OSBPL3: variants seen among roughly 807,000 people sequenced by gnomAD.
The protein encoded by OSBPL3 is oxysterol-binding protein-related protein 3.
In OSBPL3, 65 loss-of-function variants were observed where a neutral mutation model predicts 120.1. The ratio of observed to expected loss-of-function variants is 0.54; its 90% CI spans 0.44 to 0.67. The LOEUF is 0.67. OSBPL3 is among the 30% of genes least tolerant of loss of function. The pLI is 0.00. For synonymous variants in OSBPL3, 416 were observed against 402.6 expected, an observed-to-expected ratio of 1.03 and a Z score of -0.40; for missense variants, 1,004 against 1,082.1, an observed-to-expected ratio of 0.93 and a Z score of 1.01.
Position 24,913,926 on chromosome 7 carries a change from C to T in OSBPL3, c.-149-21305G>A, listed in dbSNP as rs906087386. 3.9e-5 allele frequency among the ~76,000 whole-genome samples: 6 copies of T among 152,112 alleles called. No homozygotes were observed. The highest frequency in any genetic ancestry group is 1.4e-4 in the African/African-American group (6 of 41,398). ...TCTACATATATGCATTGAAACTTTC[C>T]TAAGGAGCAGATTCATTACGAAAGA... On this transcript the variant is annotated intron_variant, in intron 1 of 22. Coordinates refer to ENST00000313367, the MANE Select transcript of OSBPL3 (RefSeq NM_015550.4). This position sits in a 1 kb window ranked among gnomAD's most constrained non-coding sequence, Gnocchi z 5.3.
rs561347123 is a variant in OSBPL3, at chr7:24,855,515, T to C, written c.1028-2881A>G. Among the ~76,000 whole-genome samples, 400 of 152,262 alleles carry C rather than the reference T, an allele frequency of 2.6e-3. 2 individuals carry two copies. The highest frequency in any genetic ancestry group is 9.4e-3 in the South Asian group (45 of 4,802). ...ATTTTATTGTAAGGAATAAAACGCTTCCTAAATCATCTGAAAAAAGGGTTT... is the reference window on the plus strand; with the variant it reads ...ATTTTATTGTAAGGAATAAAACGCTCCCTAAATCATCTGAAAAAAGGGTTT... On this transcript the variant is annotated intron_variant, in intron 10 of 22. Transcript: ENST00000313367. The surrounding 1 kb of genome is among the most constrained non-coding windows in gnomAD (Gnocchi z 4.3).
intron 22 of OSBPL3, among the ~76,000 whole-genome samples, chr7:24,800,937 CTT>C (rs56365128): frequency 3.1e-4 from 43 of 138,712 alleles, no homozygotes; most frequent in Admixed American, 3.7e-4. Context: ...AAGTGGTTAA[CTT>C]TTTTTTTTTT....
At chr7:24,884,903 TGTG>T (rs1804264956) in intron 2 of OSBPL3, among the ~76,000 whole-genome samples, 1 of 152,120 alleles carries the variant, frequency 6.6e-6, no homozygotes, top group Non-Finnish European at 1.5e-5. Context: ...TGGACTTTCT[TGTG>T]GTGTTTATTC....
chr7:24,866,824 C>T (rs774805702), intron 5 of OSBPL3, among the ~76,000 whole-genome samples: 23 of 152,126 alleles, frequency 1.5e-4, no homozygotes, highest in South Asian at 2.1e-4. Flanking sequence ...TTATTTGAGA[C>T]GGAGTCTTGC....
intron 1 of OSBPL3, among the ~76,000 whole-genome samples, chr7:24,954,583 A>G (rs1044872934): frequency 2.6e-5 from 4 of 152,166 alleles, no homozygotes; most frequent in Non-Finnish European, 5.9e-5. Context: ...TCAGAAAAAA[A>G]AAAGGTGTGG....
rs115411251 is a variant in OSBPL3 at position 24,872,648 on chromosome 7, A to G, written c.97-579T>C. On this transcript the variant is annotated intron_variant, in intron 2 of 22. Transcript: ENST00000313367. This position sits in a 1 kb window ranked among gnomAD's most constrained non-coding sequence, Gnocchi z 4.1. ...CTGGAAATCTGGAAGCATCAAAAGTATATTTTTGCAACAAGAATTTTCACT... is the reference window on the plus strand; with the variant it reads ...CTGGAAATCTGGAAGCATCAAAAGTGTATTTTTGCAACAAGAATTTTCACT... Among the ~76,000 whole-genome samples the G allele has an allele frequency of 5.3e-3, 802 of 152,296 alleles. 7 individuals carry two copies. The highest frequency in any genetic ancestry group is 0.017 in the African/African-American group (710 of 41,550).
Position 24,938,112 on chromosome 7 carries a change from CA to C in OSBPL3, c.-150+41773del, listed in dbSNP as rs1338910189. 2.0e-5 allele frequency among the ~76,000 whole-genome samples: 3 copies of C among 152,188 alleles called. No homozygotes were observed. The highest frequency in any genetic ancestry group is 6.5e-5 in the Admixed American group (1 of 15,278). ...TATGGGCTGAAAGTTTCTGTCCCGC[CA>C]AAACTGGTATGTTGAAACCTAATCA... is the stretch of plus-strand genomic sequence containing the variant. On this transcript the variant is annotated intron_variant, in intron 1 of 22. Transcript: ENST00000313367. The surrounding 1 kb of genome is among the most constrained non-coding windows in gnomAD (Gnocchi z 5.8).
At chr7:24,961,816 A>G (rs1815776264) in intron 1 of OSBPL3, among the ~76,000 whole-genome samples, 1 of 152,280 alleles carries the variant, frequency 6.6e-6, no homozygotes, top group Non-Finnish European at 1.5e-5. Context: ...GAAGGGCTCA[A>G]AAGTCCATAC....
chr7:24,837,545 A>C (rs1248140008), intron 14 of OSBPL3, among the ~76,000 whole-genome samples: 1 of 152,102 alleles, frequency 6.6e-6, no homozygotes, highest in Admixed American at 6.6e-5. Flanking sequence ...AGTCTCAAAA[A>C]ATTTTCTTTG....
intron 1 of OSBPL3, among the ~76,000 whole-genome samples, chr7:24,915,209 G>A (rs1809372473): frequency 6.6e-6 from 1 of 152,120 alleles, no homozygotes; most frequent in African/African-American, 2.4e-5. Context: ...TTGTTAATCT[G>A]TCAAAGAAAG....
rs1209687270 is a variant in OSBPL3, at chr7:24,854,333, A to C, written c.1028-1699T>G. Among the ~76,000 whole-genome samples, 1 of 152,174 alleles carries C rather than the reference A, an allele frequency of 6.6e-6. No individual in the cohort carries two copies. The highest frequency in any genetic ancestry group is 6.5e-5 in the Admixed American group (1 of 15,276). ...AGGTATTGTTATTCAAGAGTGGGCT[A>C]TTTAGTAACACAGAAACTAAATAGG... On this transcript the variant is annotated intron_variant, in intron 10 of 22. Coordinates refer to ENST00000313367, the MANE Select transcript of OSBPL3 (RefSeq NM_015550.4). The surrounding 1 kb of genome is among the most constrained non-coding windows in gnomAD (Gnocchi z 4.1).
At position 24,820,720 on chromosome 7, in the gene OSBPL3, A is replaced by G. The variant is rs150523173; in HGVS notation, c.1885-482T>C. ...TTCTTCCTCGGGCTCAGCCAATTTA[A>G]CTCTTGAAAACTCTGCATCATAAAG... On this transcript the variant is annotated intron_variant, in intron 16 of 22. Coordinates refer to ENST00000313367, the MANE Select transcript of OSBPL3 (RefSeq NM_015550.4). The surrounding 1 kb of genome is among the most constrained non-coding windows in gnomAD (Gnocchi z 4.6). Among the ~76,000 whole-genome samples the G allele has an allele frequency of 4.7e-3, 710 of 152,148 alleles. 10 individuals carry two copies. The highest frequency in any genetic ancestry group is 0.016 in the African/African-American group (675 of 41,508).
rs777986976 is a variant in OSBPL3 at position 24,953,458 on chromosome 7, C to T, written c.-150+26428G>A. On this transcript the variant is annotated intron_variant, in intron 1 of 22. Transcript: ENST00000313367. This position sits in a 1 kb window ranked among gnomAD's most constrained non-coding sequence, Gnocchi z 4.3. ...TATTGTGTTAAAAAAAAAAGTATTA[C>T]GTATCTGCTGAATTGTAATCAGACT... 3.3e-5 allele frequency among the ~76,000 whole-genome samples: 5 copies of T among 152,104 alleles called. No homozygotes were observed. The highest frequency in any genetic ancestry group is 7.2e-5 in the African/African-American group (3 of 41,410).
At chr7:24,970,783 T>C (rs1816926656) in intron 1 of OSBPL3, among the ~76,000 whole-genome samples, 1 of 152,178 alleles carries the variant, frequency 6.6e-6, no homozygotes, top group African/African-American at 2.4e-5. Context: ...GTGTGCATCA[T>C]AATCACCTGA....
Position 24,930,791 on chromosome 7 carries a change from T to C in OSBPL3, c.-149-38170A>G, listed in dbSNP as rs955027133. Among the ~76,000 whole-genome samples, 5 of 152,146 alleles carry C rather than the reference T, an allele frequency of 3.3e-5. No homozygotes were observed. The highest frequency in any genetic ancestry group is 1.3e-4 in the Admixed American group (2 of 15,276). On this transcript the variant is annotated intron_variant, in intron 1 of 22. Transcript: ENST00000313367. This position sits in a 1 kb window ranked among gnomAD's most constrained non-coding sequence, Gnocchi z 4.4. ...GTCTTTAAGGGTTTAAGAACCTAGGTTGAGGTGAAGGATTTCTGATTAAAT... is the reference window on the plus strand; with the variant it reads ...GTCTTTAAGGGTTTAAGAACCTAGGCTGAGGTGAAGGATTTCTGATTAAAT...
At chr7:24,843,402 C>T (rs145018817) in intron 12 of OSBPL3, among the ~76,000 whole-genome samples, 64 of 152,212 alleles carry the variant, frequency 4.2e-4, no homozygotes, top group African/African-American at 1.5e-3. Flanking sequence ...TAAAACCACT[C>T]GTATTTTTTA....
chr7:24,919,565 G>A (rs1358828145), intron 1 of OSBPL3, among the ~76,000 whole-genome samples: 1 of 151,958 alleles, frequency 6.6e-6, no homozygotes, highest in Non-Finnish European at 1.5e-5. Flanking sequence ...ACTCTTAGAA[G>A]AAAACATAGG....
chr7:24,849,571 T>C lies in OSBPL3; in HGVS notation c.1159-395A>G, dbSNP rs979928646. On this transcript the variant is annotated intron_variant, in intron 11 of 22. Transcript: ENST00000313367. The surrounding 1 kb of genome is among the most constrained non-coding windows in gnomAD (Gnocchi z 5.4). ...TTCCTAAGGAATCCAGGCTTCTATC[T>C]GCTTTGAAGAATATGCTGGCCCCAT... Among the ~76,000 whole-genome samples the C allele has an allele frequency of 2.0e-5, 3 of 152,186 alleles. No homozygotes were observed. The highest frequency in any genetic ancestry group is 4.4e-5 in the Non-Finnish European group (3 of 68,030).
chr7:24,970,821 A>AC (rs926881364), intron 1 of OSBPL3, among the ~76,000 whole-genome samples: 1 of 152,158 alleles, frequency 6.6e-6, no homozygotes, highest in African/African-American at 2.4e-5. Flanking sequence ...TCTGGACTCC[A>AC]CCCCCAGAGT....
Sources: allele counts gnomAD v4.1 joint callset (sites outside exome capture counted in the v4.1 genomes callset), GRCh38; gene constraint gnomAD v4.1.1; non-coding constraint Gnocchi (gnomAD v3.1); transcripts MANE v1.5; gene names NCBI Gene and HGNC (gene_info 2026-07-23, HGNC 2026-07-21).